The following USH2A variants were observed in gnomAD, a reference collection of about 807,000 sequenced individuals.
The protein encoded by USH2A is usherin, also known as Usher syndrome 2A (autosomal recessive, mild).
Under a neutral mutation model 538.9 loss-of-function variants are expected in USH2A, and 443 were observed. The ratio of observed to expected loss-of-function variants is 0.82; its 90% CI spans 0.76 to 0.89. The LOEUF (loss-of-function observed/expected upper bound fraction) is 0.89. Among genes scored for constraint, USH2A ranks in the 40% least tolerant of loss-of-function variants. The probability of loss-of-function intolerance (pLI) is 0.00; values close to 1 mark genes in which losing one functional copy is unlikely to be tolerated. For missense variants in USH2A, 6,633 were observed against 6,324.8 expected, an observed-to-expected ratio of 1.05 and a Z score of -1.65; for synonymous variants, 2,413 against 2,273.5, an observed-to-expected ratio of 1.06 and a Z score of -1.75.
intron 20 of USH2A, among the ~76,000 whole-genome samples, chr1:216,186,474 C>T (rs576094707): frequency 1.3e-5 from 2 of 151,982 alleles, no homozygotes; most frequent in East Asian, 1.9e-4. Context: ...CAGTTCTTTT[C>T]CTAATTCTGA....
At chr1:216,099,591 G>T (rs1324521780) in intron 21 of USH2A, among the ~76,000 whole-genome samples, 1 of 152,172 alleles carries the variant, frequency 6.6e-6, no homozygotes, top group African/African-American at 2.4e-5. Flanking sequence ...CAGAAAAGAG[G>T]TGAGTGCTGT....
At chr1:215,865,501 G>C (rs1407968152) in intron 44 of USH2A, among the ~76,000 whole-genome samples, 15 of 152,140 alleles carry the variant, frequency 9.9e-5, no homozygotes, top group Admixed American at 9.8e-4. Flanking sequence ...GTCAGATGAG[G>C]GGGGAGAGCC....
At chr1:215,893,036 G>A (rs181002919) in intron 40 of USH2A, among the ~76,000 whole-genome samples, 67 of 152,194 alleles carry the variant, frequency 4.4e-4, no homozygotes, top group Middle Eastern at 3.4e-3. Flanking sequence ...AAAATAAAAT[G>A]CATTGATGTG....
intron 27 of USH2A, among the ~76,000 whole-genome samples, chr1:216,077,049 C>G (rs531639680): frequency 6.6e-6 from 1 of 152,130 alleles, no homozygotes; most frequent in South Asian, 2.1e-4. Context: ...AGCCATGTGA[C>G]CTTGGGAAAG....
intron 21 of USH2A, among the ~76,000 whole-genome samples, chr1:216,147,139 C>T (rs1046815630): frequency 2.6e-5 from 4 of 151,986 alleles, no homozygotes; most frequent in Admixed American, 2.6e-4. Flanking sequence ...TCCTGCCTGT[C>T]CCCTCAGTAC....
chr1:216,174,893 A>G, intron 21 of USH2A: 1 of 1,105,616 alleles, frequency 9.0e-7, no homozygotes, highest in South Asian at 2.4e-5. Context: ...GAGAATCTCC[A>G]ATAGCATGAG....
chr1:215,816,647 T>C (rs1282708422), intron 48 of USH2A, among the ~76,000 whole-genome samples: 5 of 152,064 alleles, frequency 3.3e-5, no homozygotes, highest in African/African-American at 1.2e-4. Flanking sequence ...TGACAAATCA[T>C]AAAATGTCCT....
At chr1:215,828,556 T>A in intron 47 of USH2A, among the ~76,000 whole-genome samples, 1 of 152,244 alleles carries the variant, frequency 6.6e-6, no homozygotes, top group East Asian at 1.9e-4. Context: ...TCTGCAAAGT[T>A]TGTGTATAAG....
rs375162910 is a variant in USH2A, at chr1:215,658,253, CT to C, written c.14134-7453del. 3.0e-3 allele frequency among the ~76,000 whole-genome samples: 433 copies of C among 146,444 alleles called. 2 individuals carry two copies. Among genetic ancestry groups the C allele is most frequent in the African/African-American group, 3.5e-3 (141 of 40,194 alleles). On this transcript the variant is annotated intron_variant, in intron 64 of 71. Transcript: ENST00000307340. Reference sequence around the variant, plus strand: ...AATCAAAATTTGGAGTTATCACATACTTTTTTTTTTTTCTTATATCTGCTCT... The same window carrying C: ...AATCAAAATTTGGAGTTATCACATACTTTTTTTTTTTCTTATATCTGCTCT...
chr1:216,265,052 A>T (rs1196097638), intron 11 of USH2A, among the ~76,000 whole-genome samples: 2 of 152,132 alleles, frequency 1.3e-5, no homozygotes, highest in African/African-American at 4.8e-5. Flanking sequence ...CAGCAAAAGA[A>T]ACTACCAACA....
intron 55 of USH2A, among the ~76,000 whole-genome samples, chr1:215,768,009 C>T (rs954053857): frequency 5.9e-5 from 9 of 152,092 alleles, no homozygotes; most frequent in Non-Finnish European, 1.2e-4. Flanking sequence ...TATTTTTTCA[C>T]GTATTTTGAG....
chr1:216,145,729 C>T (rs180810289), intron 21 of USH2A, among the ~76,000 whole-genome samples: 2 of 152,168 alleles, frequency 1.3e-5, no homozygotes, highest in Non-Finnish European at 2.9e-5. Context: ...TAACTGATGA[C>T]ATTCCACCAC....
intron 16 of USH2A, among the ~76,000 whole-genome samples, chr1:216,200,904 G>A (rs1478897837): frequency 6.6e-5 from 10 of 151,672 alleles, no homozygotes; most frequent in African/African-American, 1.9e-4. Context: ...CCATTAAGCA[G>A]GGGTGCCCTA....
intron 38 of USH2A, among the ~76,000 whole-genome samples, chr1:215,926,612 A>ATTTTT (rs1666243290): frequency 5.4e-5 from 1 of 18,498 alleles, no homozygotes; most frequent in African/African-American, 2.3e-4. Context: ...TTACCTACCT[A>ATTTTT]TCTTTTTTTT....
chr1:216,021,649 T>C (rs1447397953), intron 32 of USH2A, among the ~76,000 whole-genome samples: 2 of 152,172 alleles, frequency 1.3e-5, no homozygotes, highest in Non-Finnish European at 2.9e-5. Context: ...ATTTTAGATT[T>C]GTCAGCTCCC....
chr1:216,160,121 C>G (rs918653763), intron 21 of USH2A, among the ~76,000 whole-genome samples: 4 of 151,926 alleles, frequency 2.6e-5, no homozygotes, highest in Admixed American at 2.6e-4. Flanking sequence ...TTCTCCATTA[C>G]ATTTCTGTTT....
intron 31 of USH2A, among the ~76,000 whole-genome samples, chr1:216,047,978 C>T (rs935077394): frequency 4.6e-5 from 7 of 152,168 alleles, no homozygotes; most frequent in African/African-American, 1.7e-4. Context: ...TTTATGCCAA[C>T]AGTTTGTAAG....
At chr1:216,062,985 G>A (rs907616319) in intron 30 of USH2A, among the ~76,000 whole-genome samples, 42 of 152,126 alleles carry the variant, frequency 2.8e-4, no homozygotes, top group African/African-American at 9.9e-4. Flanking sequence ...CTAATAAAGC[G>A]AAATTGCCTT....
intron 61 of USH2A, among the ~76,000 whole-genome samples, chr1:215,724,101 A>G (rs567320509): frequency 6.6e-6 from 1 of 151,830 alleles, no homozygotes; most frequent in Admixed American, 6.6e-5. Context: ...TATCTATATC[A>G]TCTATATCTA....
Sources: allele counts gnomAD v4.1 joint callset (sites outside exome capture counted in the v4.1 genomes callset), GRCh38; gene constraint gnomAD v4.1.1; transcripts MANE v1.5; gene names NCBI Gene and HGNC (gene_info 2026-07-23, HGNC 2026-07-21).